Variants in DKK3 observed in about 807,000 individuals in gnomAD.
DKK3 encodes dickkopf-related protein 3.
In DKK3, 22 loss-of-function variants were observed where a neutral mutation model predicts 33.2. The ratio of observed to expected loss-of-function variants is 0.66; its 90% CI spans 0.47 to 0.95. DKK3 has a LOEUF of 0.95. Among genes scored for constraint, DKK3 ranks in the 40% least tolerant of loss-of-function variants. DKK3 has a pLI of 0.00. For missense variants in DKK3, 398 were observed against 458.4 expected, an observed-to-expected ratio of 0.87 and a Z score of 1.20; for synonymous variants, 194 against 188.8, an observed-to-expected ratio of 1.03 and a Z score of -0.23.
At chr11:11,988,287 G>A (rs1244358367) in intron 3 of DKK3, among the ~76,000 whole-genome samples, 1 of 152,176 alleles carries the variant, frequency 6.6e-6, no homozygotes, top group Admixed American at 6.5e-5. Context: ...TTTTCCCATA[G>A]TCTGCTGGGG....
At chr11:11,975,582 A>T (rs1847816196) in intron 3 of DKK3, among the ~76,000 whole-genome samples, 1 of 152,160 alleles carries the variant, frequency 6.6e-6, no homozygotes, top group African/African-American at 2.4e-5. Context: ...ACGGGTGGGG[A>T]GGCAGCTTGG....
At chr11:12,000,632 G>A (rs1407950548) in intron 2 of DKK3, among the ~76,000 whole-genome samples, 1 of 151,428 alleles carries the variant, frequency 6.6e-6, no homozygotes, top group East Asian at 1.9e-4. Context: ...AGTTTCCCAA[G>A]TCGCTGGGAT....
At position 11,964,689 on chromosome 11, in the gene DKK3, G is replaced by A. The variant is rs1847542000; in HGVS notation, c.831-3C>T. ...TGCACACATACACCAGGCTGTGGCTGGGGAGAGATGGGACAAAGCCAGGCT... is the reference window on the plus strand; with the variant it reads ...TGCACACATACACCAGGCTGTGGCTAGGGAGAGATGGGACAAAGCCAGGCT... On this transcript the variant is annotated splice_region_variant and splice_polypyrimidine_tract_variant and intron_variant, in intron 6 of 6. Coordinates refer to ENST00000683431, the MANE Select transcript of DKK3 (RefSeq NM_001018057.2). The A allele has an allele frequency of 6.2e-7, 1 of 1,612,110 alleles. No individual in the cohort carries two copies. Among genetic ancestry groups the A allele is most frequent in the Non-Finnish European group, 8.5e-7 (1 of 1,179,388 alleles).
intron 3 of DKK3, among the ~76,000 whole-genome samples, chr11:11,986,760 C>T (rs1224391243): frequency 2.6e-5 from 4 of 152,130 alleles, no homozygotes; most frequent in Admixed American, 6.5e-5. Context: ...CCATGACTTG[C>T]GGAATTTAAC....
intron 3 of DKK3, among the ~76,000 whole-genome samples, chr11:11,995,625 G>A (rs550944312): frequency 3.1e-4 from 47 of 152,310 alleles, no homozygotes; most frequent in African/African-American, 1.1e-3. Flanking sequence ...TTCCTATGTG[G>A]GGACACAGTT....
At chr11:11,991,102 T>C (rs1384363181) in intron 3 of DKK3, among the ~76,000 whole-genome samples, 1 of 152,214 alleles carries the variant, frequency 6.6e-6, no homozygotes, top group Non-Finnish European at 1.5e-5. Flanking sequence ...ATGCTGCACA[T>C]GCATTGGGTT....
At chr11:11,983,441 C>T (rs1263731566) in intron 3 of DKK3, among the ~76,000 whole-genome samples, 5 of 152,176 alleles carry the variant, frequency 3.3e-5, no homozygotes, top group Admixed American at 6.5e-5. Context: ...CTGGAGCCTT[C>T]GGTGGGGCAG....
chr11:11,977,560 C>T (rs1004852780), intron 3 of DKK3, among the ~76,000 whole-genome samples: 6 of 152,190 alleles, frequency 3.9e-5, no homozygotes, highest in South Asian at 2.1e-4. Flanking sequence ...GGTTGGCAGC[C>T]GTTGGGAGAG....
chr11:12,002,111 G>C (rs769822789), intron 2 of DKK3, 189 bp downstream of exon 2: 42 of 603,216 alleles, frequency 7.0e-5, no homozygotes, highest in Middle Eastern at 3.0e-4. Flanking sequence ...AAGCAGTTTA[G>C]GATCCTGATA....
rs1260223372 is a variant in DKK3, at chr11:11,967,055, A to T, written c.572T>A (p.Val191Asp). 6.2e-7 allele frequency: 1 copy of T among 1,613,860 alleles called. No individual in the cohort carries two copies. Among genetic ancestry groups the T allele is most frequent in the African/African-American group, 1.3e-5 (1 of 74,904 alleles). Residue 191 changes from valine (V) to aspartate (D), a missense_variant, in exon 5 of 7, where the codon GTC (valine) becomes GAC (aspartate). Transcript: ENST00000683431. ...DSECCGDQLC[V>D]WGHCTKMATR... ...GGCCATTTTGGTGCAGTGACCCCAG[A>T]CACACAGCTGGTCTCCACAGCACTC...
chr11:12,003,932 T>C (rs953320090), intron 1 of DKK3, among the ~76,000 whole-genome samples: 26 of 152,150 alleles, frequency 1.7e-4, no homozygotes, highest in African/African-American at 6.0e-4. Context: ...TAAAACCTGG[T>C]AGGCAGAAAG....
chr11:11,965,716 C>T, intron 6 of DKK3, 93 bp downstream of exon 6: 2 of 1,473,324 alleles, frequency 1.4e-6, no homozygotes, highest in South Asian at 2.7e-5. Flanking sequence ...TCTACACCTC[C>T]CCCAGGGAAA....
chr11:12,007,132 C>A (rs977489218), intron 1 of DKK3, among the ~76,000 whole-genome samples: 3 of 152,194 alleles, frequency 2.0e-5, no homozygotes, highest in Non-Finnish European at 2.9e-5. Context: ...CCCTTCACTG[C>A]AAACTCCACA....
intron 3 of DKK3, among the ~76,000 whole-genome samples, chr11:11,969,874 T>A (rs997444664): frequency 1.3e-5 from 2 of 152,190 alleles, no homozygotes; most frequent in African/African-American, 4.8e-5. Context: ...CAGCACCCCT[T>A]AAATGTCAGG....
At chr11:11,970,425 A>ACAC (rs1847699718) in intron 3 of DKK3, among the ~76,000 whole-genome samples, 1 of 152,246 alleles carries the variant, frequency 6.6e-6, no homozygotes, top group African/African-American at 2.4e-5. Context: ...AAAGAGCATA[A>ACAC]CACCATTTTT....
intron 3 of DKK3, among the ~76,000 whole-genome samples, chr11:11,974,204 T>G (rs1225257582): frequency 6.6e-6 from 1 of 152,228 alleles, no homozygotes; most frequent in Non-Finnish European, 1.5e-5. Context: ...TCCTCAGAGC[T>G]CTGCACACTG....
intron 3 of DKK3, among the ~76,000 whole-genome samples, chr11:11,969,257 G>T (rs1847672779): frequency 1.3e-5 from 2 of 152,240 alleles, no homozygotes; most frequent in African/African-American, 4.8e-5. Flanking sequence ...TCAGCTCCTG[G>T]ACCTGCTGTC....
chr11:11,973,175 T>C (rs1211490092), intron 3 of DKK3, among the ~76,000 whole-genome samples: 2 of 152,224 alleles, frequency 1.3e-5, no homozygotes, highest in African/African-American at 4.8e-5. Context: ...CCTGGCACAA[T>C]TTCTCTCTAG....
Position 11,964,699 on chromosome 11 carries a change from G to A in DKK3, c.831-13C>T, listed in dbSNP as rs776826425. On this transcript the variant is annotated splice_polypyrimidine_tract_variant and intron_variant, in intron 6 of 6. Coordinates refer to ENST00000683431, the MANE Select transcript of DKK3 (RefSeq NM_001018057.2). ...CACCAGGCTGTGGCTGGGGAGAGATGGGACAAAGCCAGGCTCTAAACGTGG... is the reference window on the plus strand; with the variant it reads ...CACCAGGCTGTGGCTGGGGAGAGATAGGACAAAGCCAGGCTCTAAACGTGG... 3.7e-5 allele frequency: 60 copies of A among 1,610,560 alleles called. No individual in the cohort carries two copies. The Admixed American group carries it at 4.7e-4, about 13-fold the overall frequency.
Sources: gnomAD v4.1 joint callset for allele counts (sites outside exome capture counted in the v4.1 genomes callset) on GRCh38, gnomAD v4.1.1 for gene constraint, MANE v1.5 for transcripts, NCBI Gene and HGNC (gene_info 2026-07-23, HGNC 2026-07-21) for gene names.